Variants in SAMD5 observed in about 807,000 individuals in gnomAD.
SAMD5 encodes the protein sterile alpha motif domain-containing protein 5.
In SAMD5, 13 loss-of-function variants were observed where a neutral mutation model predicts 11.3. That is an observed-to-expected ratio of 1.15 (90% confidence interval 0.75 to 1.83). SAMD5 has a LOEUF of 1.83. SAMD5 is among the 40% of genes most tolerant of loss of function. The pLI, the probability that SAMD5 is intolerant of heterozygous loss-of-function variation, is 0.00. For synonymous variants in SAMD5, 129 were observed against 111.3 expected, an observed-to-expected ratio of 1.16 and a Z score of -1.00; for missense variants, 255 against 239.1, an observed-to-expected ratio of 1.07 and a Z score of -0.44.
the SAMD5 span, among the ~76,000 whole-genome samples, chr6:147,924,259 G>A: frequency 6.6e-6 from 1 of 152,028 alleles, no homozygotes; most frequent in Admixed American, 6.6e-5. Flanking sequence ...TTTAGCAGGG[G>A]GAACACTGTA....
chr6:147,649,345 C>T (rs186272458), intron 1 of SAMD5, among the ~76,000 whole-genome samples: 147 of 152,048 alleles, frequency 9.7e-4, no homozygotes, highest in African/African-American at 3.4e-3. Context: ...TTCCAATTTG[C>T]GGAATATTGG....
At chr6:147,838,010 G>C in the SAMD5 span, among the ~76,000 whole-genome samples, 1 of 152,110 alleles carries the variant, frequency 6.6e-6, no homozygotes, top group African/African-American at 2.4e-5. Context: ...GATGCTCAGG[G>C]TATAATGGTC....
the SAMD5 span, among the ~76,000 whole-genome samples, chr6:147,765,729 C>A: frequency 2.0e-5 from 3 of 152,092 alleles, no homozygotes; most frequent in Admixed American, 6.6e-5. Context: ...AGAGGCTTTG[C>A]CAGAAAGGCC....
intron 1 of SAMD5, among the ~76,000 whole-genome samples, chr6:147,685,535 A>C (rs1331185421): frequency 6.6e-6 from 1 of 152,096 alleles, no homozygotes; most frequent in Non-Finnish European, 1.5e-5. Context: ...AATTCTTTTC[A>C]TCACAGCCAC....
chr6:147,554,752 C>T (rs1256750389), intron 1 of SAMD5, among the ~76,000 whole-genome samples: 1 of 152,120 alleles, frequency 6.6e-6, no homozygotes, highest in Non-Finnish European at 1.5e-5. Flanking sequence ...ATGGAGCTAT[C>T]ATTTGAATGG....
chr6:147,839,540 G>A, the SAMD5 span, among the ~76,000 whole-genome samples: 3 of 152,006 alleles, frequency 2.0e-5, no homozygotes, highest in African/African-American at 7.2e-5. Flanking sequence ...ACATGAAGTC[G>A]GGAGTTCGAG....
intron 1 of SAMD5, among the ~76,000 whole-genome samples, chr6:147,730,737 A>G (rs1211359928): frequency 2.0e-5 from 3 of 152,196 alleles, no homozygotes; most frequent in African/African-American, 7.2e-5. Context: ...GAGAGAACCA[A>G]AAAGAGGGGA....
the SAMD5 span, among the ~76,000 whole-genome samples, chr6:147,868,615 T>A: frequency 6.6e-6 from 1 of 152,212 alleles, no homozygotes; most frequent in South Asian, 2.1e-4. Flanking sequence ...TGTGGTGTAC[T>A]GGAAATATGA....
chr6:147,858,977 T>C, the SAMD5 span, among the ~76,000 whole-genome samples: 3 of 152,052 alleles, frequency 2.0e-5, no homozygotes, highest in African/African-American at 7.3e-5. Context: ...TATGTAGATA[T>C]ATATTAAGAA....
chr6:147,727,665 CTT>C (rs758485967), intron 1 of SAMD5, among the ~76,000 whole-genome samples: 1 of 142,864 alleles, frequency 7.0e-6, no homozygotes, highest in African/African-American at 2.6e-5. Context: ...AGGCATCTGG[CTT>C]TTTTTTTTTT....
At position 147,558,383 on chromosome 6, in the gene SAMD5, T is replaced by C. The variant is rs530975122; in HGVS notation, c.460-6011T>C. 4.6e-4 allele frequency among the ~76,000 whole-genome samples: 70 copies of C among 152,336 alleles called. 1 individual carries two copies. Among genetic ancestry groups the C allele is most frequent in the Middle Eastern group, 3.4e-3 (1 of 294 alleles). ...GGCGTTCAGCACACTCCAGCATTTA[T>C]GGCTATTTCTGTTCTGGGCTTGTGC... is the stretch of plus-strand genomic sequence containing the variant. On this transcript the variant is annotated intron_variant, in intron 1 of 1. Coordinates refer to ENST00000367474, the MANE Select transcript of SAMD5 (RefSeq NM_001030060.3).
chr6:147,530,145 T>TTCA (rs1788405910), intron 1 of SAMD5, among the ~76,000 whole-genome samples: 1 of 152,236 alleles, frequency 6.6e-6, no homozygotes, highest in South Asian at 2.1e-4. Context: ...ACAAACATAT[T>TTCA]AGAGGTTTCG....
Position 147,569,969 on chromosome 6 carries a change from G to T in SAMD5, c.*5513G>T. ...CATGTAATGCATGCCCATGCACACT[G>T]TGATTTGCAAACATATGTCCGCTCT... On this transcript the variant is annotated 3_prime_UTR_variant, in exon 2 of 2. Transcript: ENST00000367474. 2 of 985,246 alleles carry T rather than the reference G, an allele frequency of 2.0e-6. No individual in the cohort carries two copies. The highest frequency in any genetic ancestry group is 2.4e-6 in the Non-Finnish European group (2 of 829,798). 61.0% of individuals were successfully genotyped at this position (985,246 alleles called of 1,614,324 possible). A position where few individuals can be genotyped will look rare whatever the true frequency, so the allele number is the denominator to read the frequency against.
At chr6:147,512,146 C>T (rs564627066) in intron 1 of SAMD5, among the ~76,000 whole-genome samples, 89 of 152,202 alleles carry the variant, frequency 5.8e-4, no homozygotes, top group South Asian at 4.8e-3. Flanking sequence ...TTAGTAGAGA[C>T]GGGGTTTCAC....
the SAMD5 span, among the ~76,000 whole-genome samples, chr6:147,764,899 C>G: frequency 6.6e-6 from 1 of 152,110 alleles, no homozygotes; most frequent in Non-Finnish European, 1.5e-5. Flanking sequence ...TTTGCCTTCT[C>G]TTTGTATGCA....
At chr6:147,855,650 G>A in the SAMD5 span, among the ~76,000 whole-genome samples, 3 of 152,010 alleles carry the variant, frequency 2.0e-5, no homozygotes, top group African/African-American at 7.2e-5. Flanking sequence ...GAATTTGTTT[G>A]GGTTCACGTG....
intron 1 of SAMD5, among the ~76,000 whole-genome samples, chr6:147,682,649 T>C (rs1790955919): frequency 6.6e-6 from 1 of 152,238 alleles, no homozygotes; most frequent in Non-Finnish European, 1.5e-5. Context: ...ATCAAAATTA[T>C]AGGCTGGCTT....
At chr6:147,527,894 T>C (rs369688889) in intron 1 of SAMD5, among the ~76,000 whole-genome samples, 2 of 152,140 alleles carry the variant, frequency 1.3e-5, no homozygotes, top group East Asian at 3.9e-4. Flanking sequence ...CACCATCTGC[T>C]TCTAGAGAGG....
At chr6:147,749,384 G>A in the SAMD5 span, among the ~76,000 whole-genome samples, 21 of 152,168 alleles carry the variant, frequency 1.4e-4, no homozygotes, top group African/African-American at 4.8e-4. Context: ...TGGCAAAGCT[G>A]GTCTTGAACT....
Sources: gnomAD v4.1 joint callset for allele counts (sites outside exome capture counted in the v4.1 genomes callset) on GRCh38, gnomAD v4.1.1 for gene constraint, MANE v1.5 for transcripts, NCBI Gene and HGNC (gene_info 2026-07-23, HGNC 2026-07-21) for gene names.